Variants in NPFFR1 observed in about 807,000 individuals in gnomAD.
NPFFR1 encodes G-protein coupled receptor 147.
NPFFR1 carries 17 observed loss-of-function variants against 12.7 expected under a neutral mutation model. The observed-to-expected ratio is 1.34, with a 90% CI of 0.92 to 2.01. The LOEUF is 2.01. NPFFR1 is among the 30% of genes most tolerant of loss of function. The pLI, the probability that NPFFR1 is intolerant of heterozygous loss-of-function variation, is 0.00. For synonymous variants in NPFFR1, 296 were observed against 264.5 expected (o/e 1.12, Z -1.16); for missense variants, 604 against 606.5 (o/e 1.00, Z 0.04).
intron 1 of NPFFR1, among the ~76,000 whole-genome samples, chr10:70,279,393 T>C (rs1840835955): frequency 6.6e-6 from 1 of 151,956 alleles, no homozygotes; most frequent in Non-Finnish European, 1.5e-5. Flanking sequence ...GTGATCCGCC[T>C]GCCTCAGCCT....
At chr10:70,259,886 G>A (rs1433091698) in intron 3 of NPFFR1, among the ~76,000 whole-genome samples, 1 of 152,170 alleles carries the variant, frequency 6.6e-6, no homozygotes, top group Non-Finnish European at 1.5e-5. Flanking sequence ...GTAGTTAGGT[G>A]ACCCACCCAA....
chr10:70,283,499 GTCTC>G (rs141702769), intron 1 of NPFFR1, among the ~76,000 whole-genome samples, 167 bp downstream of exon 1: 7,927 of 152,084 alleles, frequency 0.052, 253 homozygotes, highest in East Asian at 0.14. Flanking sequence ...GGCACCCCAG[GTCTC>G]TCTCCCTCAC....
intron 1 of NPFFR1, among the ~76,000 whole-genome samples, chr10:70,279,340 G>A (rs10823510): frequency 6.6e-6 from 1 of 151,886 alleles, no homozygotes; most frequent in South Asian, 2.1e-4. Context: ...AGGAATGGGG[G>A]TTCACCATGT....
At position 70,251,184 on chromosome 10, in the gene NPFFR1, G is replaced by T. The variant is rs1840507380; in HGVS notation, c.*3773C>A. ...TCTTTCATCAGTGACACTTCTGAGGGGTGAGCTGAGGAAACGGGTGCAAAA... is the reference window on the plus strand; with the variant it reads ...TCTTTCATCAGTGACACTTCTGAGGTGTGAGCTGAGGAAACGGGTGCAAAA... On this transcript the variant is annotated 3_prime_UTR_variant, in exon 4 of 4. Transcript: ENST00000277942. 1 of 152,238 alleles carries T rather than the reference G, an allele frequency of 6.6e-6. No homozygotes were observed. The highest frequency in any genetic ancestry group is 2.1e-4 in the South Asian group (1 of 4,834). The allele number at this position is 152,238 out of a possible 1,614,324, so 9.4% of individuals were successfully genotyped here. A position where few individuals can be genotyped will look rare whatever the true frequency, so the allele number is the denominator to read the frequency against.
chr10:70,267,445 G>A (rs1840705427), intron 1 of NPFFR1, among the ~76,000 whole-genome samples: 1 of 151,976 alleles, frequency 6.6e-6, no homozygotes, highest in Non-Finnish European at 1.5e-5. Context: ...AACCCTCATT[G>A]AATTACCCTA....
chr10:70,256,106 T>C (rs1421498856), intron 3 of NPFFR1, among the ~76,000 whole-genome samples: 1 of 151,302 alleles, frequency 6.6e-6, no homozygotes, highest in Non-Finnish European at 1.5e-5. Context: ...CAGGGCCTCC[T>C]TCTGTCGCCC....
At position 70,272,862 on chromosome 10, in the gene NPFFR1, T is replaced by C. The variant is rs572449734; in HGVS notation, c.8-6471A>G. Among the ~76,000 whole-genome samples, 8 of 152,356 alleles carry C rather than the reference T, an allele frequency of 5.3e-5. No homozygotes were observed. In the South Asian group the frequency reaches 1.7e-3, roughly 32 times the overall value. On this transcript the variant is annotated intron_variant, in intron 1 of 3. Transcript: ENST00000277942. Reference sequence around the variant, plus strand: ...TGAGGTCTCAGGATGAGAGGGAAAGTATTGACCATGGGACATGGTAATGGT... The same window carrying C: ...TGAGGTCTCAGGATGAGAGGGAAAGCATTGACCATGGGACATGGTAATGGT...
intron 3 of NPFFR1, among the ~76,000 whole-genome samples, chr10:70,259,179 C>T (rs1840608020): frequency 2.0e-5 from 3 of 151,664 alleles, no homozygotes; most frequent in Admixed American, 6.6e-5. Context: ...CCAGCTACTC[C>T]GGGGACTGAG....
In NPFFR1 at chr10:70,257,880, A is replaced by C. The variant is rs182097823; in HGVS notation, c.423-2053T>G. On this transcript the variant is annotated intron_variant, in intron 3 of 3. Coordinates refer to ENST00000277942, the MANE Select transcript of NPFFR1 (RefSeq NM_022146.5). ...CTGAGATGTTTGGGTGGAGAGAAAC[A>C]TAAATCTGGCTTACGTGCACGTCCA... Among the ~76,000 whole-genome samples the C allele has an allele frequency of 4.8e-3, 724 of 152,358 alleles. 1 individual carries two copies. The highest frequency in any genetic ancestry group is 8.0e-3 in the Non-Finnish European group (541 of 68,034).
rs935986035 is a variant in NPFFR1 at position 70,251,010 on chromosome 10, A to G, written c.*3947T>C. On this transcript the variant is annotated 3_prime_UTR_variant, in exon 4 of 4. Coordinates refer to ENST00000277942, the MANE Select transcript of NPFFR1 (RefSeq NM_022146.5). ...ATTGAAATCTTGTAAAATTTCCACA[A>G]TGATTATGTAGAGCTTTTGTAGAGA... 2.0e-5 allele frequency: 3 copies of G among 152,096 alleles called. No homozygotes were observed. The highest frequency in any genetic ancestry group is 7.3e-5 in the African/African-American group (3 of 41,334). 9.4% of individuals were successfully genotyped at this position (152,096 alleles called of 1,614,324 possible).
chr10:70,266,332 C>A lies in NPFFR1; in HGVS notation c.67G>T (p.Glu23Ter). 4 of 1,613,688 alleles carry A rather than the reference C, an allele frequency of 2.5e-6. No individual in the cohort carries two copies. Among genetic ancestry groups the A allele is most frequent in the Non-Finnish European group, 3.4e-6 (4 of 1,179,770 alleles). The change falls in exon 2 of 4, where the codon GAG (glutamate) becomes TAG (stop). Residue 23 changes from glutamate (E) to a stop codon, truncating the protein, a stop_gained. Coordinates refer to ENST00000277942, the MANE Select transcript of NPFFR1 (RefSeq NM_022146.5). LOFTEE classifies it high-confidence loss of function. Reference sequence around the variant, plus strand: ...GTGAGGTTTGTAGCCGGGGTGGCCTCAGTGTTAGTCCCATTCTGACTTAGG... The same window carrying A: ...GTGAGGTTTGTAGCCGGGGTGGCCTAAGTGTTAGTCCCATTCTGACTTAGG... ...WPLSQNGTNTEATPATNLTFS... is the reference protein window; with the variant it reads ...WPLSQNGTNT
rs764508802 is a variant in NPFFR1 at position 70,248,477 on chromosome 10, T to TTG, written c.*6479_*6480insCA. On this transcript the variant is annotated 3_prime_UTR_variant, in exon 4 of 4. Transcript: ENST00000277942. ...AGTACTATGCCTGGCGTTTTTTTTTTGTTTTTTGTTTTTTTTTTTTTTTTT... is the reference window on the plus strand; with the variant it reads ...AGTACTATGCCTGGCGTTTTTTTTTTTGGTTTTTTGTTTTTTTTTTTTTTTTT... 2 of 76,426 alleles carry TTG rather than the reference T, an allele frequency of 2.6e-5. No homozygotes were observed. The highest frequency in any genetic ancestry group is 4.7e-4 in the East Asian group (1 of 2,128). 4.7% of individuals were successfully genotyped at this position (76,426 alleles called of 1,614,324 possible).
rs1313642495 is a variant in NPFFR1, at chr10:70,249,028, A to T, written c.*5929T>A. On this transcript the variant is annotated 3_prime_UTR_variant, in exon 4 of 4. Transcript: ENST00000277942. Reference sequence around the variant, plus strand: ...CACCTCTTCACAGAGGCCATTCCTAACCATCTGTTCAAATAGCCCTCCTAC... The same window carrying T: ...CACCTCTTCACAGAGGCCATTCCTATCCATCTGTTCAAATAGCCCTCCTAC... The T allele has an allele frequency of 2.0e-5, 3 of 152,136 alleles. No homozygotes were observed. The highest frequency in any genetic ancestry group is 2.0e-4 in the Admixed American group (3 of 15,276). The allele number at this position is 152,136 out of a possible 1,614,324, so 9.4% of individuals were successfully genotyped here. A position where few individuals can be genotyped will look rare whatever the true frequency, so the allele number is the denominator to read the frequency against.
intron 1 of NPFFR1, among the ~76,000 whole-genome samples, chr10:70,275,601 T>C (rs1840795897): frequency 6.6e-6 from 1 of 152,140 alleles, no homozygotes; most frequent in Non-Finnish European, 1.5e-5. Context: ...TTTTTTCTTT[T>C]AGTTAAACTA....
chr10:70,269,301 C>T (rs1233473332), intron 1 of NPFFR1, among the ~76,000 whole-genome samples: 3 of 150,804 alleles, frequency 2.0e-5, no homozygotes, highest in Non-Finnish European at 3.0e-5. Flanking sequence ...GGACTACAGC[C>T]GTGCGCCACC....
At position 70,248,490 on chromosome 10, in the gene NPFFR1, T is replaced by TGG. The variant is rs1840477496; in HGVS notation, c.*6466_*6467insCC. 2.6e-5 allele frequency: 3 copies of TGG among 117,132 alleles called. No individual in the cohort carries two copies. The Admixed American group carries it at 2.7e-4, about 11-fold the overall frequency. The allele number at this position is 117,132 out of a possible 1,614,324, so 7.3% of individuals were successfully genotyped here. A position where few individuals can be genotyped will look rare whatever the true frequency, so the allele number is the denominator to read the frequency against. On this transcript the variant is annotated 3_prime_UTR_variant, in exon 4 of 4. Transcript: ENST00000277942. ...GCGTTTTTTTTTTGTTTTTTGTTTTTTTTTTTTTTTTTTGAGATGGAGTCT... is the reference window on the plus strand; with the variant it reads ...GCGTTTTTTTTTTGTTTTTTGTTTTTGGTTTTTTTTTTTTTGAGATGGAGTCT...
chr10:70,272,151 GA>G (rs1840750051), intron 1 of NPFFR1, among the ~76,000 whole-genome samples: 1 of 26,208 alleles, frequency 3.8e-5, no homozygotes, highest in African/African-American at 2.7e-4. Context: ...GAGAAAGGGA[GA>G]GAGAGAGAGA....
Position 70,255,428 on chromosome 10 carries a change from C to T in NPFFR1, c.822G>A (p.Met274Ile). Residue 274 changes from methionine (M) to isoleucine (I), a missense_variant, in exon 4 of 4, where the codon ATG (methionine) becomes ATA (isoleucine). By Grantham distance (10) the Met-to-Ile change is conservative (BLOSUM62 1). Transcript: ENST00000277942. The surrounding 1 kb of genome is among the most constrained non-coding windows in gnomAD (Gnocchi z 4.2). ...RRARVVHMLVMVALFFTLSWL... is the reference protein window; with the variant it reads ...RRARVVHMLVIVALFFTLSWL... ...AGGACAGCGTGAAGAACAGCGCCAC[C>T]ATGACCAGCATGTGCACCACGCGCG... The T allele has an allele frequency of 6.5e-7, 1 of 1,547,004 alleles. No homozygotes were observed. The highest frequency in any genetic ancestry group is 8.7e-7 in the Non-Finnish European group (1 of 1,146,876).
In NPFFR1 at chr10:70,247,531, A is replaced by C. The variant is rs189631588; in HGVS notation, c.*7426T>G. ...GGGCAGTCAAAACACAGAAATGTAG[A>C]TCGCTCAGTCACTGAAACGGATTGA... On this transcript the variant is annotated 3_prime_UTR_variant, in exon 4 of 4. Coordinates refer to ENST00000277942, the MANE Select transcript of NPFFR1 (RefSeq NM_022146.5). 2 of 152,338 alleles carry C rather than the reference A, an allele frequency of 1.3e-5. No homozygotes were observed. The highest frequency in any genetic ancestry group is 4.8e-5 in the African/African-American group (2 of 41,564). The allele number at this position is 152,338 out of a possible 1,614,324, so 9.4% of individuals were successfully genotyped here.
Sources: gnomAD v4.1 joint callset for allele counts (sites outside exome capture counted in the v4.1 genomes callset) on GRCh38, gnomAD v4.1.1 for gene constraint, Gnocchi (gnomAD v3.1) non-coding constraint, MANE v1.5 for transcripts, NCBI Gene and HGNC (gene_info 2026-07-23, HGNC 2026-07-21) for gene names.